CCDC179: variants seen among roughly 807,000 people sequenced by gnomAD.
CCDC179 encodes coiled-coil domain containing 179.
Under a neutral mutation model 12.0 loss-of-function variants are expected in CCDC179, and 17 were observed. That is an observed-to-expected ratio of 1.42 (90% CI 0.97 to 2.13). The LOEUF is 2.13. Among genes scored for constraint, CCDC179 ranks in the 30% most tolerant of loss-of-function variants. CCDC179 has a pLI of 0.00. For synonymous variants in CCDC179, 27 were observed against 26.4 expected (o/e 1.02, Z -0.07); for missense variants, 83 against 78.6 (o/e 1.06, Z -0.21).
chr11:22,854,173 A>G (rs956145543), intron 3 of CCDC179, among the ~76,000 whole-genome samples: 1 of 151,878 alleles, frequency 6.6e-6, no homozygotes, highest in Non-Finnish European at 1.5e-5. Context: ...ATTTGTTACT[A>G]GTAGGCTTGC....
At chr11:22,856,862 A>G (rs1858540439) in intron 3 of CCDC179, among the ~76,000 whole-genome samples, 1 of 151,618 alleles carries the variant, frequency 6.6e-6, no homozygotes, top group African/African-American at 2.4e-5. Context: ...AGAAAATTCA[A>G]TTGATTTCCT....
intron 3 of CCDC179, among the ~76,000 whole-genome samples, chr11:22,850,968 A>ATTTT (rs1564915113): frequency 3.0e-4 from 2 of 6,664 alleles, no homozygotes; most frequent in Non-Finnish European, 5.9e-4. Context: ...ATATATATAT[A>ATTTT]TATATATATT....
chr11:22,858,784 G>A (rs1286532281), intron 2 of CCDC179, among the ~76,000 whole-genome samples: 2 of 152,028 alleles, frequency 1.3e-5, no homozygotes, highest in Admixed American at 6.6e-5. Context: ...GTTTGCAATA[G>A]TACTATTCAT....
At position 22,860,425 on chromosome 11, in the gene CCDC179, G is replaced by A. The variant is rs1015530544; in HGVS notation, c.-4C>T. On this transcript the variant is annotated 5_prime_UTR_variant, in exon 1 of 4. In the 5' UTR this introduces an upstream ATG that the reference lacks. Transcript: ENST00000532798. ...TGTCCCAGCAATACAGGCACATGCC[G>A]TGGAGCCTTAGGGCGCCCCCTGACG... is the stretch of plus-strand genomic sequence containing the variant. 58 of 1,534,666 alleles carry A rather than the reference G, an allele frequency of 3.8e-5. No individual in the cohort carries two copies. Among genetic ancestry groups the A allele is most frequent in the African/African-American group, 6.8e-5 (5 of 72,996 alleles).
intron 3 of CCDC179, 99 bp from the exon 4 acceptor site, chr11:22,847,620 G>A: frequency 1.8e-6 from 1 of 546,764 alleles, no homozygotes; most frequent in Non-Finnish European, 2.9e-6. Context: ...TGGTCTCATG[G>A]AAAACCTATT....
chr11:22,853,829 A>C (rs1232692643), intron 3 of CCDC179, among the ~76,000 whole-genome samples: 1 of 152,068 alleles, frequency 6.6e-6, no homozygotes, highest in Admixed American at 6.5e-5. Context: ...CCACAGATTC[A>C]GAAAATTCAT....
In CCDC179 at chr11:22,859,360, A is replaced by G. The variant is rs866548837; in HGVS notation, c.90+92T>C. 6.6e-6 allele frequency: 5 copies of G among 760,028 alleles called. No homozygotes were observed. In the South Asian group the frequency reaches 9.4e-5, roughly 14 times the overall value. 47.1% of individuals were successfully genotyped at this position (760,028 alleles called of 1,614,324 possible). A position where few individuals can be genotyped will look rare whatever the true frequency, so the allele number is the denominator to read the frequency against. On this transcript the variant is annotated intron_variant, in intron 2 of 3. Transcript: ENST00000532798. Reference sequence around the variant, plus strand: ...TATACTGAAGTGTCTACTTAATACAAGTTCTATTATGTTAGGGACCACTAC... The same window carrying G: ...TATACTGAAGTGTCTACTTAATACAGGTTCTATTATGTTAGGGACCACTAC...
chr11:22,856,735 A>G (rs1858537878), intron 3 of CCDC179, among the ~76,000 whole-genome samples: 2 of 151,652 alleles, frequency 1.3e-5, no homozygotes, highest in Non-Finnish European at 3.0e-5. Flanking sequence ...CTTCGTTCAC[A>G]GACGACCTGA....
chr11:22,854,021 C>T (rs1858480078), intron 3 of CCDC179, among the ~76,000 whole-genome samples: 1 of 151,726 alleles, frequency 6.6e-6, no homozygotes, highest in Non-Finnish European at 1.5e-5. Context: ...AGAAATCATG[C>T]AAGCAATAAG....
chr11:22,856,737 A>G (rs1261830517), intron 3 of CCDC179, among the ~76,000 whole-genome samples: 1 of 151,636 alleles, frequency 6.6e-6, no homozygotes, highest in Non-Finnish European at 1.5e-5. Flanking sequence ...TCGTTCACAG[A>G]CGACCTGACT....
intron 3 of CCDC179, among the ~76,000 whole-genome samples, chr11:22,850,940 CTATATATATATA>C (rs1180035208): frequency 0.022 from 361 of 16,508 alleles, 8 homozygotes; most frequent in Middle Eastern, 0.2. Flanking sequence ...GTTGCATAGG[CTATATATATATA>C]TATATATATA....
chr11:22,848,380 G>GT (rs1006003583), intron 3 of CCDC179, among the ~76,000 whole-genome samples: 4 of 151,968 alleles, frequency 2.6e-5, no homozygotes, highest in Non-Finnish European at 4.4e-5. Flanking sequence ...GGAGGCGGAG[G>GT]TTGCAGTGAG....
At chr11:22,849,164 T>G (rs1172252390) in intron 3 of CCDC179, among the ~76,000 whole-genome samples, 1 of 152,168 alleles carries the variant, frequency 6.6e-6, no homozygotes, top group African/African-American at 2.4e-5. Flanking sequence ...TTTTCGAACT[T>G]TGAGCTCCTC....
chr11:22,852,472 C>T (rs1235327754), intron 3 of CCDC179, among the ~76,000 whole-genome samples: 1 of 152,218 alleles, frequency 6.6e-6, no homozygotes, highest in African/African-American at 2.4e-5. Flanking sequence ...GCAACTTCCC[C>T]TATTCACTAT....
At chr11:22,850,367 A>T (rs1858345185) in intron 3 of CCDC179, among the ~76,000 whole-genome samples, 1 of 152,150 alleles carries the variant, frequency 6.6e-6, no homozygotes, top group Non-Finnish European at 1.5e-5. Flanking sequence ...TCCATTCCTG[A>T]GTTTCTTCAC....
At chr11:22,851,547 A>G (rs1858404244) in intron 3 of CCDC179, among the ~76,000 whole-genome samples, 1 of 152,200 alleles carries the variant, frequency 6.6e-6, no homozygotes, top group African/African-American at 2.4e-5. Flanking sequence ...TTCCAGCCTG[A>G]CATATAAAGA....
chr11:22,855,179 G>T (rs1304726487), intron 3 of CCDC179, among the ~76,000 whole-genome samples: 3 of 151,650 alleles, frequency 2.0e-5, no homozygotes, highest in Non-Finnish European at 4.4e-5. Flanking sequence ...GAATGTATTT[G>T]AACTGAACAG....
chr11:22,850,976 A>ATATATATATTTTTTT (rs1554920538), intron 3 of CCDC179, among the ~76,000 whole-genome samples: 1 of 6,122 alleles, frequency 1.6e-4, no homozygotes, highest in Non-Finnish European at 4.4e-4. Flanking sequence ...ATATATATAT[A>ATATATATATTTTTTT]TTTTTTTTTT....
At chr11:22,859,536 A>T in intron 1 of CCDC179, 40 bp from the exon 2 acceptor site, 1 of 1,282,064 alleles carries the variant, frequency 7.8e-7, no homozygotes, top group Non-Finnish European at 1.0e-6. Context: ...CACACAAAAA[A>T]GTCATTAAAA....
Sources: gnomAD v4.1 joint callset for allele counts (sites outside exome capture counted in the v4.1 genomes callset) on GRCh38, gnomAD v4.1.1 for gene constraint, MANE v1.5 for transcripts, NCBI Gene and HGNC (gene_info 2026-07-23, HGNC 2026-07-21) for gene names.